MSRA: variants seen among roughly 807,000 people sequenced by gnomAD.
The protein encoded by MSRA is mitochondrial peptide methionine sulfoxide reductase.
A neutral mutation model predicts 31.3 loss-of-function variants in MSRA; 54 were observed. That is an observed-to-expected ratio of 1.73 (90% CI 1.39 to 2.17). MSRA has a LOEUF of 2.17. Ranked by LOEUF, MSRA falls within the 30% of genes most tolerant of loss-of-function variation. The pLI, the probability that MSRA is intolerant of heterozygous loss-of-function variation, is 0.00. For synonymous variants in MSRA, 169 were observed against 116.5 expected (o/e 1.45, Z -2.90); for missense variants, 507 against 300.9 (o/e 1.69, Z -5.07).
intron 5 of MSRA, among the ~76,000 whole-genome samples, chr8:10,339,240 T>C (rs533249474): frequency 6.6e-6 from 1 of 152,320 alleles, no homozygotes; most frequent in South Asian, 2.1e-4. Context: ...TTTGTAAAAC[T>C]CTTACGTTAC....
intron 3 of MSRA, among the ~76,000 whole-genome samples, chr8:10,280,732 A>G (rs1799577780): frequency 1.3e-5 from 2 of 152,364 alleles, no homozygotes; most frequent in South Asian, 2.1e-4. Flanking sequence ...TATTTATAGC[A>G]GCATTATTTG....
At chr8:10,133,242 T>C (rs1281713574) in intron 1 of MSRA, among the ~76,000 whole-genome samples, 1 of 152,194 alleles carries the variant, frequency 6.6e-6, no homozygotes, top group African/African-American at 2.4e-5. Context: ...GGTTGAACAT[T>C]AGTTACACAG....
chr8:10,143,616 GC>G (rs911128430), intron 1 of MSRA, among the ~76,000 whole-genome samples: 2 of 152,122 alleles, frequency 1.3e-5, no homozygotes, highest in African/African-American at 4.8e-5. Context: ...GTTACCAGAA[GC>G]AGCAAATGCA....
intron 3 of MSRA, among the ~76,000 whole-genome samples, chr8:10,267,893 A>G (rs1798828624): frequency 6.6e-6 from 1 of 152,154 alleles, no homozygotes; most frequent in Non-Finnish European, 1.5e-5. Context: ...GGGAGGCACC[A>G]TGAAAACTGG....
At chr8:10,142,326 C>T (rs1314508523) in intron 1 of MSRA, among the ~76,000 whole-genome samples, 1 of 152,144 alleles carries the variant, frequency 6.6e-6, no homozygotes, top group Non-Finnish European at 1.5e-5. Context: ...AATAGGATTC[C>T]CATTTTCCAG....
chr8:10,141,330 A>T (rs545458293), intron 1 of MSRA, among the ~76,000 whole-genome samples: 38 of 152,314 alleles, frequency 2.5e-4, no homozygotes, highest in Non-Finnish European at 5.3e-4. Context: ...GCAGACCTAG[A>T]AAAGTTTCCA....
At chr8:10,288,558 G>A (rs771809832) in intron 3 of MSRA, among the ~76,000 whole-genome samples, 44 of 152,176 alleles carry the variant, frequency 2.9e-4, no homozygotes, top group Non-Finnish European at 1.5e-4. Context: ...GGGCTGTGGT[G>A]TAAAATAACT....
intron 1 of MSRA, among the ~76,000 whole-genome samples, chr8:10,195,547 T>A (rs1351702520): frequency 6.6e-6 from 1 of 152,180 alleles, no homozygotes; most frequent in Non-Finnish European, 1.5e-5. Context: ...GGCCTAATTT[T>A]CTATCTCTTT....
chr8:10,254,160 G>A (rs571931175), intron 3 of MSRA, among the ~76,000 whole-genome samples: 11 of 152,236 alleles, frequency 7.2e-5, no homozygotes, highest in African/African-American at 1.9e-4. Flanking sequence ...AGGGAATGCC[G>A]AGGGACAGAA....
intron 5 of MSRA, among the ~76,000 whole-genome samples, chr8:10,407,095 T>C (rs1807864972): frequency 6.6e-6 from 1 of 152,232 alleles, no homozygotes; most frequent in African/African-American, 2.4e-5. Context: ...CAGGCTGATC[T>C]TGAACTCCGG....
chr8:10,259,126 G>T (rs538192021), intron 3 of MSRA, among the ~76,000 whole-genome samples: 5 of 151,556 alleles, frequency 3.3e-5, no homozygotes, highest in Middle Eastern at 3.4e-3. Flanking sequence ...AAAAGAGGCA[G>T]ATATATATGT....
rs575436296 is a variant in MSRA, at chr8:10,054,487, C to G, written c.-30C>G. 3 of 1,554,224 alleles carry G rather than the reference C, an allele frequency of 1.9e-6. No homozygotes were observed. Among genetic ancestry groups the G allele is most frequent in the Non-Finnish European group, 2.6e-6 (3 of 1,151,434 alleles). Reference sequence around the variant, plus strand: ...GCTCCGCTGCCGGTAGCGCCGTCCCCCGGGACCACCCTTCGGCTGGCGCCC... The same window carrying G: ...GCTCCGCTGCCGGTAGCGCCGTCCCGCGGGACCACCCTTCGGCTGGCGCCC... On this transcript the variant is annotated 5_prime_UTR_variant, in exon 1 of 6. Transcript: ENST00000317173.
intron 5 of MSRA, among the ~76,000 whole-genome samples, chr8:10,344,176 C>G (rs1192382918): frequency 6.6e-6 from 1 of 152,168 alleles, no homozygotes; most frequent in African/African-American, 2.4e-5. Flanking sequence ...TCATATCGTC[C>G]TTTGTACTAA....
chr8:10,147,913 C>G (rs556200095), intron 1 of MSRA, among the ~76,000 whole-genome samples: 1 of 152,168 alleles, frequency 6.6e-6, no homozygotes, highest in Non-Finnish European at 1.5e-5. Context: ...CAGACTGATG[C>G]GAAACTCCAA....
chr8:10,260,984 G>A (rs1426758985), intron 3 of MSRA, among the ~76,000 whole-genome samples: 1 of 152,124 alleles, frequency 6.6e-6, no homozygotes, highest in Non-Finnish European at 1.5e-5. Flanking sequence ...TAACTTTCAT[G>A]GAAATAGTTA....
At position 10,054,598 on chromosome 8, in the gene MSRA, T is replaced by A; in HGVS notation, c.82T>A (p.Ser28Thr). The change falls in exon 1 of 6, where the codon TCG becomes ACG. Residue 28 changes from serine to threonine, a missense_variant. By Grantham distance (58) the Ser-to-Thr change is moderately conservative. Transcript: ENST00000317173. ...CGTCCCGAGGATGGGCAACTCGGCC[T>A]CGAACATCGTCAGCCCCCAGGAGGC... ...FPVPRMGNSA[S>T]NIVSPQEALP... The A allele has an allele frequency of 6.3e-7, 1 of 1,580,580 alleles. No homozygotes were observed. The highest frequency in any genetic ancestry group is 8.6e-7 in the Non-Finnish European group (1 of 1,164,008).
At position 10,155,086 on chromosome 8, in the gene MSRA, T is replaced by A. The variant is rs577117148; in HGVS notation, c.143-52747T>A. On this transcript the variant is annotated intron_variant, in intron 1 of 5. Coordinates refer to ENST00000317173, the MANE Select transcript of MSRA (RefSeq NM_012331.5). ...ATTAACAGAATCATTAAAAATTTTT[T>A]ATTGTAAGCTTGCCAGAGTCCTAGA... Among the ~76,000 whole-genome samples the A allele has an allele frequency of 3.3e-5, 5 of 151,562 alleles. No individual in the cohort carries two copies. In the East Asian group the frequency reaches 5.9e-4, roughly 18 times the overall value.
chr8:10,337,304 C>G (rs143837220), intron 5 of MSRA: 4 of 161,582 alleles, frequency 2.5e-5, no homozygotes, highest in Admixed American at 1.2e-4. Flanking sequence ...CTCAGCCTCC[C>G]GAGTAGCTGG....
Position 10,364,068 on chromosome 8 carries a change from C to T in MSRA, c.543+44079C>T, listed in dbSNP as rs192660089. 1.5e-3 allele frequency among the ~76,000 whole-genome samples: 231 copies of T among 152,308 alleles called. 1 individual carries two copies. The highest frequency in any genetic ancestry group is 5.5e-3 in the African/African-American group (227 of 41,576). ...TGCCAGAGAAAACGGTCCACACACACTTAAACGATTATTTAAAAACCTAGA... is the reference window on the plus strand; with the variant it reads ...TGCCAGAGAAAACGGTCCACACACATTTAAACGATTATTTAAAAACCTAGA... On this transcript the variant is annotated intron_variant, in intron 5 of 5. Coordinates refer to ENST00000317173, the MANE Select transcript of MSRA (RefSeq NM_012331.5).
Sources: gnomAD v4.1 joint callset for allele counts (sites outside exome capture counted in the v4.1 genomes callset) on GRCh38, gnomAD v4.1.1 for gene constraint, MANE v1.5 for transcripts, NCBI Gene and HGNC (gene_info 2026-07-23, HGNC 2026-07-21) for gene names.